The following EPHB2 variants were observed in gnomAD, a reference collection of about 807,000 sequenced individuals.
EPHB2 encodes ephrin type-B receptor 2.
In EPHB2, 18 loss-of-function variants were observed where a neutral mutation model predicts 96.4. The observed-to-expected ratio is 0.19, with a 90% CI of 0.13 to 0.28. EPHB2 has a LOEUF of 0.28. Ranked by LOEUF, EPHB2 falls within the 10% of genes least tolerant of loss-of-function variation. The probability of loss-of-function intolerance (pLI) is 1.00; values close to 1 mark genes in which losing one functional copy is unlikely to be tolerated. For synonymous variants in EPHB2, 506 were observed against 534.1 expected, an observed-to-expected ratio of 0.95 and a Z score of 0.72; for missense variants, 989 against 1,355.4, an observed-to-expected ratio of 0.73 and a Z score of 4.25.
intron 1 of EPHB2, among the ~76,000 whole-genome samples, chr1:22,719,100 C>T (rs1340598975): frequency 2.6e-5 from 4 of 152,112 alleles, no homozygotes; most frequent in Non-Finnish European, 5.9e-5. Flanking sequence ...TTAGACAAAT[C>T]GGGTGTTAAC....
At chr1:22,912,356 T>A (rs933908219) in intron 14 of EPHB2, 88 bp from the exon 15 acceptor site, 13 of 1,569,898 alleles carry the variant, frequency 8.3e-6, no homozygotes, top group Middle Eastern at 2.1e-4. Flanking sequence ...ACGTGCACAT[T>A]CACGCATACG....
chr1:22,894,595 TC>T (rs1389378343), intron 7 of EPHB2, among the ~76,000 whole-genome samples: 22 of 134,094 alleles, frequency 1.6e-4, no homozygotes, highest in African/African-American at 6.4e-4. Context: ...AAACTCCCAC[TC>T]CAAAAAAAAA....
intron 5 of EPHB2, among the ~76,000 whole-genome samples, chr1:22,876,606 G>T (rs897952704): frequency 9.2e-5 from 14 of 152,188 alleles, no homozygotes; most frequent in African/African-American, 3.4e-4. Flanking sequence ...CCATCTCCTT[G>T]CAGGGGTCAC....
In EPHB2 at chr1:22,910,420, G is replaced by A. The variant is rs756760473; in HGVS notation, c.2541G>A (p.Pro847=). ...NAIEQDYRLP[P]PMDCPSALHQ... ...TTGAGCAGGACTATCGGCTGCCACC[G>A]CCCATGGACTGCCCGAGCGCCCTGC... The change falls in exon 14 of 16, where the codon CCG becomes CCA. Residue 847 remains proline, a synonymous_variant. Coordinates refer to ENST00000374630, the MANE Select transcript of EPHB2 (RefSeq NM_017449.5). 6.2e-6 allele frequency: 10 copies of A among 1,614,172 alleles called. No homozygotes were observed. Among genetic ancestry groups the A allele is most frequent in the Middle Eastern group, 1.6e-4 (1 of 6,062 alleles).
At chr1:22,876,684 G>A (rs545646996) in intron 5 of EPHB2, among the ~76,000 whole-genome samples, 1 of 152,308 alleles carries the variant, frequency 6.6e-6, no homozygotes, top group South Asian at 2.1e-4. Context: ...AGAATTCCCT[G>A]ATGACCAACT....
chr1:22,862,562 C>T (rs570240994), intron 3 of EPHB2, among the ~76,000 whole-genome samples: 1 of 152,250 alleles, frequency 6.6e-6, no homozygotes, highest in Admixed American at 6.5e-5. Context: ...AAAGTAGTGT[C>T]CTCCTCTATT....
intron 1 of EPHB2, among the ~76,000 whole-genome samples, chr1:22,758,714 G>A (rs1051994697): frequency 3.3e-5 from 5 of 151,896 alleles, no homozygotes; most frequent in African/African-American, 4.8e-5. Context: ...CGGTGACACA[G>A]TGGTATGAGG....
At chr1:22,751,747 G>T (rs1279952808) in intron 1 of EPHB2, among the ~76,000 whole-genome samples, 4 of 152,206 alleles carry the variant, frequency 2.6e-5, no homozygotes, top group African/African-American at 9.7e-5. Context: ...ACAGTGGGCT[G>T]GGAGGATCAC....
intron 1 of EPHB2, among the ~76,000 whole-genome samples, chr1:22,776,278 A>G (rs908120482): frequency 3.3e-5 from 5 of 151,018 alleles, no homozygotes; most frequent in Non-Finnish European, 7.4e-5. Flanking sequence ...GTCACTCCCC[A>G]CTCACCCAGT....
intron 5 of EPHB2, among the ~76,000 whole-genome samples, chr1:22,867,213 TTG>T (rs1638507989): frequency 6.6e-6 from 1 of 152,190 alleles, no homozygotes; most frequent in Non-Finnish European, 1.5e-5. Flanking sequence ...GTCTGTGTAT[TTG>T]TGAGTGTGCT....
At chr1:22,874,262 C>T (rs1638768429) in intron 5 of EPHB2, among the ~76,000 whole-genome samples, 1 of 152,188 alleles carries the variant, frequency 6.6e-6, no homozygotes, top group South Asian at 2.1e-4. Flanking sequence ...CCTTCCTTGC[C>T]CATTCACAGA....
chr1:22,736,190 C>G (rs1204539713), intron 1 of EPHB2, among the ~76,000 whole-genome samples: 1 of 152,174 alleles, frequency 6.6e-6, no homozygotes, highest in Admixed American at 6.5e-5. Context: ...TCATCGTACA[C>G]ACGGGGGTCT....
At chr1:22,716,032 A>G (rs1643286130) in intron 1 of EPHB2, among the ~76,000 whole-genome samples, 1 of 152,100 alleles carries the variant, frequency 6.6e-6, no homozygotes, top group African/African-American at 2.4e-5. Context: ...ATCAGCCTTC[A>G]GTGTCTCCCC....
chr1:22,884,534 C>T (rs1161787513), intron 6 of EPHB2, among the ~76,000 whole-genome samples: 2 of 148,386 alleles, frequency 1.3e-5, no homozygotes, highest in African/African-American at 5.0e-5. Flanking sequence ...GCAGGAGAAT[C>T]ACTTGAACCC....
In EPHB2 at chr1:22,784,897, T is replaced by C; in HGVS notation, c.632T>C (p.Leu211Pro). 1.2e-6 allele frequency: 2 copies of C among 1,613,912 alleles called. No homozygotes were observed. The highest frequency in any genetic ancestry group is 1.7e-6 in the Non-Finnish European group (2 of 1,180,004). Residue 211 changes from leucine to proline, a missense_variant, in exon 3 of 16, where the codon CTG becomes CCG. Coordinates refer to ENST00000374630, the MANE Select transcript of EPHB2 (RefSeq NM_017449.5). This position sits in a 1 kb window ranked among gnomAD's most constrained non-coding sequence, Gnocchi z 5.1. ...IQNGAIFQET[L>P]SGAESTSLVA... ...AATGGCGCCATCTTCCAGGAAACCCTGTCGGGGGCTGAGAGCACATCGCTG... is the reference window on the plus strand; with the variant it reads ...AATGGCGCCATCTTCCAGGAAACCCCGTCGGGGGCTGAGAGCACATCGCTG...
In EPHB2 at chr1:22,920,057, C is replaced by A. The variant is rs1640360192; in HGVS notation, c.*6487C>A. 6.6e-6 allele frequency: 1 copy of A among 152,132 alleles called. No homozygotes were observed. Among genetic ancestry groups the A allele is most frequent in the Admixed American group, 6.5e-5 (1 of 15,286 alleles). The allele number at this position is 152,132 out of a possible 1,614,324, so 9.4% of individuals were successfully genotyped here. A position where few individuals can be genotyped will look rare whatever the true frequency, so the allele number is the denominator to read the frequency against. On this transcript the variant is annotated 3_prime_UTR_variant, in exon 16 of 16. Transcript: ENST00000374630. ...AACAGATACTAAGAAAAGCTCCATC[C>A]CTTGGATCTGAGTTACAGATGCACC...
In EPHB2 at chr1:22,863,100, A is replaced by G; in HGVS notation, c.875A>G (p.Asn292Ser). The G allele has an allele frequency of 6.2e-7, 1 of 1,614,198 alleles. No individual in the cohort carries two copies. Among genetic ancestry groups the G allele is most frequent in the Non-Finnish European group, 8.5e-7 (1 of 1,180,032 alleles). ...GAGGCCTGTACCCACTGTCCCATCAACAGCCGGACCACTTCTGAAGGGGCC... is the reference window on the plus strand; with the variant it reads ...GAGGCCTGTACCCACTGTCCCATCAGCAGCCGGACCACTTCTGAAGGGGCC... ...GDEACTHCPI[N>S]SRTTSEGATN... Residue 292 changes from asparagine (N) to serine (S), a missense_variant, in exon 4 of 16, where the codon AAC becomes AGC. Asn to Ser is a conservative substitution (Grantham distance 46). Coordinates refer to ENST00000374630, the MANE Select transcript of EPHB2 (RefSeq NM_017449.5).
chr1:22,744,960 C>T lies in EPHB2; in HGVS notation c.61+33917C>T, dbSNP rs140014223. 1.1e-4 allele frequency among the ~76,000 whole-genome samples: 16 copies of T among 152,288 alleles called. No homozygotes were observed. In the East Asian group the frequency reaches 2.7e-3, roughly 26 times the overall value. On this transcript the variant is annotated intron_variant, in intron 1 of 15. Transcript: ENST00000374630. ...ATAAAGGTCATCCTCCTCGTCTTCA[C>T]GTTGAGCAGGCTGAGGAGGAGAGGT...
intron 6 of EPHB2, 68 bp downstream of exon 6, chr1:22,882,551 T>G (rs571941856): frequency 6.2e-7 from 1 of 1,603,308 alleles, no homozygotes; most frequent in Non-Finnish European, 8.5e-7. Context: ...GGCTGAGGCC[T>G]GGGAGTTCTG....
Sources: gnomAD v4.1 joint callset for allele counts (sites outside exome capture counted in the v4.1 genomes callset) on GRCh38, gnomAD v4.1.1 for gene constraint, Gnocchi (gnomAD v3.1) non-coding constraint, MANE v1.5 for transcripts, NCBI Gene and HGNC (gene_info 2026-07-23, HGNC 2026-07-21) for gene names.